GZMM: variants seen among roughly 807,000 people sequenced by gnomAD.
GZMM encodes granzyme M, also known as HU-Met-1.
A neutral mutation model predicts 19.2 loss-of-function variants in GZMM; 23 were observed. That is an observed-to-expected ratio of 1.20 (90% CI 0.86 to 1.69). The LOEUF is 1.69. Among genes scored for constraint, GZMM ranks in the 40% most tolerant of loss-of-function variants. The pLI is 0.00. For synonymous variants in GZMM, 178 were observed against 160.2 expected (o/e 1.11, Z -0.84); for missense variants, 373 against 352.2 (o/e 1.06, Z -0.47).
chr19:548,951 C>T lies in GZMM; in HGVS notation c.378C>T (p.Thr126=), dbSNP rs1398021500. 1.3e-6 allele frequency: 2 copies of T among 1,591,874 alleles called. No homozygotes were observed. Among genetic ancestry groups the T allele is most frequent in the Non-Finnish European group, 1.7e-6 (2 of 1,167,270 alleles). ...QLDGKVKPSR[T]IRPLALPSKR... ...ACGGGAAAGTGAAGCCCAGCCGGAC[C>T]ATCCGGCCGTTGGCCCTGCCCAGTA... The change falls in exon 4 of 5, where the codon ACC becomes ACT. Residue 126 remains threonine (T), a synonymous_variant. Transcript: ENST00000264553.
At chr19:547,682 T>C (rs969273562) in intron 2 of GZMM, among the ~76,000 whole-genome samples, 6 of 152,194 alleles carry the variant, frequency 3.9e-5, no homozygotes, top group Admixed American at 2.6e-4. Flanking sequence ...CCTGGCTCCT[T>C]TCACGGCTGA....
rs773665762 is a variant in GZMM, at chr19:549,812, C to A, written c.*21C>A. ...CCTGATGCCCTGGGGTGATGGGGAC[C>A]CCCTCGCTGTCTCCACAGGACCCTT... is the stretch of plus-strand genomic sequence containing the variant. On this transcript the variant is annotated 3_prime_UTR_variant, in exon 5 of 5. Transcript: ENST00000264553. The A allele has an allele frequency of 3.1e-6, 5 of 1,602,598 alleles. No homozygotes were observed. The African/African-American group carries it at 4.0e-5, about 13-fold the overall frequency.
chr19:549,861 GGGTGAGGAC>G lies in GZMM; in HGVS notation c.*73_*81del. Reference sequence around the variant, plus strand: ...TTCCCCTCCAGGGGTGCAGTGGGGTGGGTGAGGACGGGTGGGAGGGACAGGGAGGGACCA... The same window carrying G: ...TTCCCCTCCAGGGGTGCAGTGGGGTGGGGTGGGAGGGACAGGGAGGGACCA... On this transcript the variant is annotated 3_prime_UTR_variant, in exon 5 of 5. Coordinates refer to ENST00000264553, the MANE Select transcript of GZMM (RefSeq NM_005317.4). 1.0e-6 allele frequency: 1 copy of G among 995,978 alleles called. No homozygotes were observed. The highest frequency in any genetic ancestry group is 1.5e-6 in the Non-Finnish European group (1 of 655,760). The allele number at this position is 995,978 out of a possible 1,614,324, so 61.7% of individuals were successfully genotyped here.
At chr19:549,288 C>T in intron 4 of GZMM, 103 bp downstream of exon 4, 1 of 1,185,306 alleles carries the variant, frequency 8.4e-7, no homozygotes. Context: ...TCTGGGGAGT[C>T]CTGTCAGGGG....
intron 1 of GZMM, among the ~76,000 whole-genome samples, chr19:545,895 G>A (rs1015387296): frequency 7.3e-5 from 11 of 151,646 alleles, no homozygotes; most frequent in Admixed American, 1.3e-4. Context: ...CACCTGCCTC[G>A]GCCTCCCAAA....
chr19:544,149 G>A lies in GZMM; in HGVS notation c.55+23G>A, dbSNP rs777592441. On this transcript the variant is annotated intron_variant, in intron 1 of 4. Coordinates refer to ENST00000264553, the MANE Select transcript of GZMM (RefSeq NM_005317.4). ...TAGGTGAGTGGGAGCCGGGATGCAGGGGGGACACTGAGGCCCAGCGCTCTC... is the reference window on the plus strand; with the variant it reads ...TAGGTGAGTGGGAGCCGGGATGCAGAGGGGACACTGAGGCCCAGCGCTCTC... 17 of 1,545,942 alleles carry A rather than the reference G, an allele frequency of 1.1e-5. No individual in the cohort carries two copies. In the Admixed American group the frequency reaches 3.3e-4, roughly 30 times the overall value.
intron 1 of GZMM, 145 bp downstream of exon 1, chr19:544,271 G>C: frequency 1.4e-6 from 1 of 695,952 alleles, no homozygotes; most frequent in East Asian, 2.7e-5. Flanking sequence ...GAGGCCTGGG[G>C]CATCCCGAGC....
intron 1 of GZMM, among the ~76,000 whole-genome samples, chr19:545,579 T>A (rs371045356): frequency 6.6e-6 from 1 of 151,890 alleles, no homozygotes; most frequent in South Asian, 2.1e-4. Context: ...ACTCCCAACC[T>A]CAGGTGATCC....
At position 549,891 on chromosome 19, in the gene GZMM, G is replaced by A; in HGVS notation, c.*100G>A. The stretch of plus-strand genomic sequence containing the variant: ...AGGACGGGTGGGAGGGACAGGGAGG[G>A]ACCAATAAATCATAATGAAGAAACG... On this transcript the variant is annotated 3_prime_UTR_variant, in exon 5 of 5. Transcript: ENST00000264553. 1 of 817,276 alleles carries A rather than the reference G, an allele frequency of 1.2e-6. No individual in the cohort carries two copies. The highest frequency in any genetic ancestry group is 1.6e-5 in the South Asian group (1 of 61,726). 50.6% of individuals were successfully genotyped at this position (817,276 alleles called of 1,614,324 possible). A position where few individuals can be genotyped will look rare whatever the true frequency, so the allele number is the denominator to read the frequency against.
chr19:547,150 G>A, intron 1 of GZMM, 130 bp from the exon 2 acceptor site: 1 of 797,836 alleles, frequency 1.3e-6, no homozygotes, highest in Non-Finnish European at 1.8e-6. Flanking sequence ...AAGTTTCGGG[G>A]AACACTGGGG....
At position 549,725 on chromosome 19, in the gene GZMM, T is replaced by C. The variant is rs58562291; in HGVS notation, c.708T>C (p.Pro236=). The change falls in exon 5 of 5, where the codon CCT becomes CCC. Residue 236 remains proline (P), a synonymous_variant. Transcript: ENST00000264553. ...GGGTCTGCACTGACATCTTCAAGCC[T>C]CCCGTGGCCACCGCTGTGGCGCCTT... ...SSRVCTDIFK[P]PVATAVAPYV... 103,249 of 1,613,406 alleles carry C rather than the reference T, an allele frequency of 0.064. 3,931 individuals carry two copies. The highest frequency in any genetic ancestry group is 0.18 in the East Asian group (7,879 of 44,856).
At chr19:544,184 C>T (rs762752915) in intron 1 of GZMM, 58 bp downstream of exon 1, 1 of 1,449,296 alleles carries the variant, frequency 6.9e-7, no homozygotes, top group Non-Finnish European at 9.4e-7. Context: ...CGGTGGGTCC[C>T]TGGATGGGAG....
chr19:545,004 C>T (rs937269018), intron 1 of GZMM, among the ~76,000 whole-genome samples: 2 of 151,586 alleles, frequency 1.3e-5, no homozygotes, highest in Non-Finnish European at 2.9e-5. Flanking sequence ...CTCCCTCCTT[C>T]CATGTATCCA....
At chr19:549,513 CCT>C (rs1207994502) in intron 4 of GZMM, 115 bp from the exon 5 acceptor site, 10 of 1,085,630 alleles carry the variant, frequency 9.2e-6, no homozygotes, top group East Asian at 2.6e-5. Flanking sequence ...GGGAGCAGCC[CCT>C]GTGTCTCCTT....
chr19:549,607 G>A lies in GZMM; in HGVS notation c.613-23G>A, dbSNP rs76318413. 8.7e-6 allele frequency: 14 copies of A among 1,604,030 alleles called. No individual in the cohort carries two copies. The East Asian group carries it at 2.9e-4, about 33-fold the overall frequency. On this transcript the variant is annotated intron_variant, in intron 4 of 4. Transcript: ENST00000264553. ...TCCCCTCAGCAGGTGCAGAGGCTGA[G>A]CTGCGGTGTGTCGTCCCTGCAGGGT...
chr19:549,227 G>A, intron 4 of GZMM, 42 bp downstream of exon 4: 1 of 1,524,290 alleles, frequency 6.6e-7, no homozygotes, highest in Non-Finnish European at 8.8e-7. Flanking sequence ...GAGGCTGGCG[G>A]GAGGGCCGGG....
rs745551320 is a variant in GZMM, at chr19:549,789, T to C, written c.772T>C (p.Ter258ArgextTer25). ...WIRKVTGRSA* is the reference protein window; with the variant it reads ...WIRKVTGRSAR ...CAGGAAGGTCACCGGCCGATCGGCC[T>C]GATGCCCTGGGGTGATGGGGACCCC... The change falls in exon 5 of 5, where the codon TGA becomes CGA. Residue 258 changes from the stop codon to arginine, a stop_lost. Transcript: ENST00000264553. The C allele has an allele frequency of 6.2e-7, 1 of 1,609,020 alleles. No homozygotes were observed. Among genetic ancestry groups the C allele is most frequent in the South Asian group, 1.1e-5 (1 of 91,018 alleles).
At chr19:548,718 TC>T (rs1314292661) in intron 3 of GZMM, 41 bp downstream of exon 3, 1 of 1,592,896 alleles carries the variant, frequency 6.3e-7, no homozygotes, top group Admixed American at 1.7e-5. Context: ...CACCCTCCTG[TC>T]CCCCACGGGT....
At chr19:548,101 G>A (rs910272681) in intron 2 of GZMM, among the ~76,000 whole-genome samples, 7 of 152,214 alleles carry the variant, frequency 4.6e-5, no homozygotes, top group African/African-American at 9.6e-5. Flanking sequence ...CAGGAAGCCT[G>A]TCTCACAAGG....
Sources: allele counts gnomAD v4.1 joint callset (sites outside exome capture counted in the v4.1 genomes callset), GRCh38; gene constraint gnomAD v4.1.1; transcripts MANE v1.5; gene names NCBI Gene and HGNC (gene_info 2026-07-23, HGNC 2026-07-21).